ATXN2: variants seen among roughly 807,000 people sequenced by gnomAD.
ATXN2 encodes ataxin-2.
A neutral mutation model predicts 138.6 loss-of-function variants in ATXN2; 37 were observed. The ratio of observed to expected loss-of-function variants is 0.27; its 90% confidence interval spans 0.21 to 0.35. The LOEUF (loss-of-function observed/expected upper bound fraction) is 0.35, where lower values mean the gene tolerates loss of function less well. ATXN2 is among the 10% of genes least tolerant of loss of function. ATXN2 has a pLI of 1.00. For missense variants in ATXN2, 1,216 were observed against 1,480.3 expected (o/e 0.82, Z 2.93); for synonymous variants, 549 against 543.7 (o/e 1.01, Z -0.13).
chr12:111,555,531 C>G (rs1181973105), intron 2 of ATXN2, among the ~76,000 whole-genome samples: 1 of 152,070 alleles, frequency 6.6e-6, no homozygotes, highest in Non-Finnish European at 1.5e-5. Context: ...TCTCTCCTGT[C>G]GCTATGTGAA....
intron 18 of ATXN2, among the ~76,000 whole-genome samples, chr12:111,479,568 G>A (rs1877069736): frequency 6.6e-6 from 1 of 151,874 alleles, no homozygotes; most frequent in Non-Finnish European, 1.5e-5. Flanking sequence ...GGAATAAGCT[G>A]ATACTAACAT....
intron 1 of ATXN2, among the ~76,000 whole-genome samples, chr12:111,589,707 G>A (rs1217823799): frequency 2.0e-5 from 3 of 151,854 alleles, no homozygotes; most frequent in African/African-American, 7.2e-5. Context: ...AAGAGGCAGA[G>A]GTTGCACTGA....
chr12:111,593,528 A>G (rs1048047435), intron 1 of ATXN2, among the ~76,000 whole-genome samples: 2 of 152,160 alleles, frequency 1.3e-5, no homozygotes, highest in African/African-American at 4.8e-5. Context: ...TAACCAAAAA[A>G]AGGAACACCA....
intron 14 of ATXN2, among the ~76,000 whole-genome samples, chr12:111,506,945 C>G (rs1445650213): frequency 6.6e-6 from 1 of 151,950 alleles, no homozygotes; most frequent in Non-Finnish European, 1.5e-5. Flanking sequence ...GGATTGCAGA[C>G]GGAGTCTCGT....
At chr12:111,573,169 CATTATT>C (rs1166776527) in intron 1 of ATXN2, among the ~76,000 whole-genome samples, 2 of 151,588 alleles carry the variant, frequency 1.3e-5, no homozygotes, top group Admixed American at 6.6e-5. Flanking sequence ...TTGTTTTCTT[CATTATT>C]GTTATTATTT....
chr12:111,581,523 A>T, intron 1 of ATXN2: 1 of 1,017,392 alleles, frequency 9.8e-7, no homozygotes, highest in Admixed American at 1.7e-5. Flanking sequence ...ATCCCCATCC[A>T]CAGCGAGAAC....
intron 5 of ATXN2, among the ~76,000 whole-genome samples, chr12:111,539,285 G>T (rs1273497241): frequency 1.3e-5 from 2 of 149,702 alleles, no homozygotes; most frequent in African/African-American, 4.9e-5. Context: ...AGGAGTTCAA[G>T]ACAGCCTGGG....
intron 21 of ATXN2, among the ~76,000 whole-genome samples, chr12:111,462,299 A>C (rs1190872365): frequency 1.3e-5 from 2 of 152,234 alleles, no homozygotes; most frequent in African/African-American, 2.4e-5. Context: ...AAAAATCCTT[A>C]ATAACACTAA....
Position 111,453,102 on chromosome 12 carries a change from C to T in ATXN2, c.3440-262G>A, listed in dbSNP as rs966978217. 25 of 1,263,158 alleles carry T rather than the reference C, an allele frequency of 2.0e-5. No individual in the cohort carries two copies. The highest frequency in any genetic ancestry group is 2.7e-5 in the South Asian group (1 of 37,424). The allele number at this position is 1,263,158 out of a possible 1,614,324, so 78.2% of individuals were successfully genotyped here. A position where few individuals can be genotyped will look rare whatever the true frequency, so the allele number is the denominator to read the frequency against. On this transcript the variant is annotated intron_variant, in intron 24 of 24. Transcript: ENST00000673436. This position sits in a 1 kb window ranked among gnomAD's most constrained non-coding sequence, Gnocchi z 5.4. ...GGGTAGAAAAAAAGGCCTTAACAAA[C>T]CCCCTCCCCAAATATTAGCCAAGCA... is the stretch of plus-strand genomic sequence containing the variant.
intron 14 of ATXN2, among the ~76,000 whole-genome samples, chr12:111,495,414 T>G (rs1439224172): frequency 6.6e-6 from 1 of 151,206 alleles, no homozygotes. Context: ...CAATATTCCA[T>G]GCAAATGGAA....
intron 6 of ATXN2, among the ~76,000 whole-genome samples, chr12:111,523,475 G>A (rs1276104235): frequency 1.3e-5 from 2 of 152,070 alleles, no homozygotes; most frequent in Non-Finnish European, 2.9e-5. Flanking sequence ...TATAATCTCA[G>A]CACTTTGGGA....
intron 5 of ATXN2, among the ~76,000 whole-genome samples, chr12:111,529,022 T>C (rs1452972561): frequency 2.0e-5 from 3 of 152,104 alleles, no homozygotes; most frequent in Non-Finnish European, 4.4e-5. Context: ...CATGCTGGAG[T>C]GTAGTGCCGC....
chr12:111,516,432 G>GA lies in ATXN2; in HGVS notation c.1166-70dup. On this transcript the variant is annotated intron_variant, in intron 9 of 24. Transcript: ENST00000673436. This position sits in a 1 kb window ranked among gnomAD's most constrained non-coding sequence, Gnocchi z 5.0. ...AAAAAATGAGGGAAAAAAGTAAACA[G>GA]AAAAAAAGTAAAATGACAAAAATGA... 1 of 1,361,726 alleles carries GA rather than the reference G, an allele frequency of 7.3e-7. No individual in the cohort carries two copies. Among genetic ancestry groups the GA allele is most frequent in the Non-Finnish European group, 1.0e-6 (1 of 1,002,114 alleles). 84.4% of individuals were successfully genotyped at this position (1,361,726 alleles called of 1,614,324 possible). A position where few individuals can be genotyped will look rare whatever the true frequency, so the allele number is the denominator to read the frequency against.
intron 1 of ATXN2, among the ~76,000 whole-genome samples, chr12:111,568,376 T>C (rs1444473879): frequency 6.6e-6 from 1 of 152,214 alleles, no homozygotes; most frequent in Non-Finnish European, 1.5e-5. Flanking sequence ...TTTTCACCAT[T>C]CTGCTCATCC....
At chr12:111,562,224 C>T (rs145191702) in intron 1 of ATXN2, among the ~76,000 whole-genome samples, 29 of 152,078 alleles carry the variant, frequency 1.9e-4, no homozygotes, top group African/African-American at 6.3e-4. Flanking sequence ...ACTTAAGACC[C>T]GGAGTTCAAG....
At chr12:111,503,827 T>A (rs1157097367) in intron 14 of ATXN2, among the ~76,000 whole-genome samples, 1 of 152,124 alleles carries the variant, frequency 6.6e-6, no homozygotes, top group African/African-American at 2.4e-5. Context: ...TGACCTCAAG[T>A]GATCCACCCG....
At chr12:111,588,855 C>A (rs1341118518) in intron 1 of ATXN2, among the ~76,000 whole-genome samples, 1 of 150,776 alleles carries the variant, frequency 6.6e-6, no homozygotes, top group Non-Finnish European at 1.5e-5. Flanking sequence ...ATTAGCCGGG[C>A]ATGGTGGCGG....
Position 111,453,651 on chromosome 12 carries a change from G to A in ATXN2, c.3439+26C>T, listed in dbSNP as rs1349692253. Reference sequence around the variant, plus strand: ...GAGCAGAATGCTTTGGGGTGCCCCGGCGGCCCCTGCACACACACGCCTCAC... The same window carrying A: ...GAGCAGAATGCTTTGGGGTGCCCCGACGGCCCCTGCACACACACGCCTCAC... On this transcript the variant is annotated intron_variant, in intron 24 of 24. Transcript: ENST00000673436. The surrounding 1 kb of genome is among the most constrained non-coding windows in gnomAD (Gnocchi z 5.4). 1.3e-6 allele frequency: 2 copies of A among 1,527,992 alleles called. No homozygotes were observed. Among genetic ancestry groups the A allele is most frequent in the East Asian group, 2.3e-5 (1 of 42,860 alleles). 94.7% of individuals were successfully genotyped at this position (1,527,992 alleles called of 1,614,324 possible). A position where few individuals can be genotyped will look rare whatever the true frequency, so the allele number is the denominator to read the frequency against.
At chr12:111,492,513 A>G (rs1360041080) in intron 14 of ATXN2, among the ~76,000 whole-genome samples, 1 of 151,970 alleles carries the variant, frequency 6.6e-6, no homozygotes, top group African/African-American at 2.4e-5. Flanking sequence ...GAAACACCAT[A>G]TTTACTAAAA....
Sources: allele counts gnomAD v4.1 joint callset (sites outside exome capture counted in the v4.1 genomes callset), GRCh38; gene constraint gnomAD v4.1.1; non-coding constraint Gnocchi (gnomAD v3.1); transcripts MANE v1.5; gene names NCBI Gene and HGNC (gene_info 2026-07-23, HGNC 2026-07-21).